SLC39A10: variants seen among roughly 807,000 people sequenced by gnomAD.
The protein encoded by SLC39A10 is solute carrier family 39 member 10, also known as zinc transporter ZIP10.
In SLC39A10, 13 loss-of-function variants were observed where a neutral mutation model predicts 65.1. That is an observed-to-expected ratio of 0.20 (90% CI 0.13 to 0.32). SLC39A10 has a LOEUF of 0.32. Among genes scored for constraint, SLC39A10 ranks in the 10% least tolerant of loss-of-function variants. SLC39A10 has a pLI of 1.00. For synonymous variants in SLC39A10, 321 were observed against 342.2 expected, an observed-to-expected ratio of 0.94 and a Z score of 0.68; for missense variants, 831 against 1,018.4, an observed-to-expected ratio of 0.82 and a Z score of 2.50.
intron 1 of SLC39A10, among the ~76,000 whole-genome samples, chr2:195,672,754 C>G (rs1276452685): frequency 6.6e-5 from 10 of 152,148 alleles, no homozygotes; most frequent in Admixed American, 6.5e-4. Flanking sequence ...TATGAATGTC[C>G]TGTTTCCACC....
At chr2:195,666,502 A>G (rs1269702400) in intron 1 of SLC39A10, among the ~76,000 whole-genome samples, 1 of 152,206 alleles carries the variant, frequency 6.6e-6, no homozygotes, top group Non-Finnish European at 1.5e-5. Flanking sequence ...AGCTGTTGCC[A>G]GGCTGGAGTA....
chr2:195,621,816 A>G (rs1173827369), intron 2 of SLC39A10, among the ~76,000 whole-genome samples: 2 of 152,222 alleles, frequency 1.3e-5, no homozygotes, highest in African/African-American at 4.8e-5. Flanking sequence ...GATCATAATA[A>G]ATACAGTGAT....
chr2:195,706,324 G>T (rs1240205584), intron 3 of SLC39A10, among the ~76,000 whole-genome samples: 2 of 149,936 alleles, frequency 1.3e-5, no homozygotes, highest in Non-Finnish European at 3.0e-5. Context: ...TTATAGTTTA[G>T]CTATTAAGTG....
At chr2:195,655,685 C>G (rs1255847467), upstream of SLC39A10, among the ~76,000 whole-genome samples, 1 of 152,194 alleles carries the variant, frequency 6.6e-6, no homozygotes, top group Non-Finnish European at 1.5e-5. Context: ...GAAACTAGGA[C>G]TCAGGCTTAA....
intron 2 of SLC39A10, among the ~76,000 whole-genome samples, chr2:195,631,489 C>A (rs1259849058): frequency 6.6e-6 from 1 of 151,994 alleles, no homozygotes; most frequent in Non-Finnish European, 1.5e-5. Context: ...ATATATTAAT[C>A]CTTGCTGGGT....
intron 8 of SLC39A10, among the ~76,000 whole-genome samples, chr2:195,721,113 T>C (rs1430641478): frequency 6.6e-6 from 1 of 151,952 alleles, no homozygotes; most frequent in East Asian, 1.9e-4. Flanking sequence ...AGCTAATTTT[T>C]GTATTTTTGA....
At chr2:195,652,784 C>T (rs1188166703), upstream of SLC39A10, among the ~76,000 whole-genome samples, 1 of 152,050 alleles carries the variant, frequency 6.6e-6, no homozygotes, top group Admixed American at 6.6e-5. Flanking sequence ...TAGACTGGTT[C>T]GGGTGCATGG....
At chr2:195,677,292 T>C (rs1690126902) in intron 1 of SLC39A10, among the ~76,000 whole-genome samples, 1 of 151,420 alleles carries the variant, frequency 6.6e-6, no homozygotes, top group Non-Finnish European at 1.5e-5. Context: ...AGCTCACACC[T>C]GCAATCTTAG....
rs1293229738 is a variant in SLC39A10, at chr2:195,737,077, T to C, written c.*2036T>C. On this transcript the variant is annotated 3_prime_UTR_variant, in exon 10 of 10. Transcript: ENST00000359634. ...AAAGCAAGTAGGTTATGCTGAAGTA[T>C]ATAAAGAAGTTTTATATTCTCTCAA... 1 of 152,628 alleles carries C rather than the reference T, an allele frequency of 6.6e-6. No individual in the cohort carries two copies. Among genetic ancestry groups the C allele is most frequent in the East Asian group, 1.9e-4 (1 of 5,182 alleles). The allele number at this position is 152,628 out of a possible 1,614,324, so 9.5% of individuals were successfully genotyped here. A position where few individuals can be genotyped will look rare whatever the true frequency, so the allele number is the denominator to read the frequency against.
In SLC39A10 at chr2:195,728,279, C is replaced by A; in HGVS notation, c.2267C>A (p.Ala756Asp). 6.2e-7 allele frequency: 1 copy of A among 1,614,056 alleles called. No individual in the cohort carries two copies. The highest frequency in any genetic ancestry group is 8.5e-7 in the Non-Finnish European group (1 of 1,179,930). Reference protein sequence around the residue: ...MLIGTAVGQYANNITLWIFAV... With the variant: ...MLIGTAVGQYDNNITLWIFAV... ...ATAGGCACAGCTGTTGGTCAGTATG[C>A]CAATAACATCACACTTTGGATCTTT... Residue 756 changes from alanine (A) to aspartate (D), a missense_variant, in exon 9 of 10, where the codon GCC becomes GAC. Transcript: ENST00000359634. This position sits in a 1 kb window ranked among gnomAD's most constrained non-coding sequence, Gnocchi z 4.4.
rs1192403030 is a variant in SLC39A10 at position 195,716,766 on chromosome 2, A to G, written c.1826A>G (p.His609Arg). The change falls in exon 7 of 10, where the codon CAC becomes CGC. Residue 609 changes from histidine to arginine, a missense_variant. Coordinates refer to ENST00000359634, the MANE Select transcript of SLC39A10 (RefSeq NM_020342.3). The stretch of plus-strand genomic sequence containing the variant: ...GAGGAGAAAATCATAGACCATTCTC[A>G]CAGTGATGGATTACATACCATTCAT... ...IEEEKIIDHS[H>R]SDGLHTIHEH... 1 of 1,613,902 alleles carries G rather than the reference A, an allele frequency of 6.2e-7. No individual in the cohort carries two copies. Among genetic ancestry groups the G allele is most frequent in the Non-Finnish European group, 8.5e-7 (1 of 1,179,750 alleles).
Position 195,621,807 on chromosome 2 carries a change from A to G in SLC39A10, c.-12+15574A>G, listed in dbSNP as rs189200983. 2.8e-3 allele frequency among the ~76,000 whole-genome samples: 433 copies of G among 152,324 alleles called. 2 individuals carry two copies. The highest frequency in any genetic ancestry group is 0.01 in the African/African-American group (418 of 41,570). On this transcript the variant is annotated intron_variant, in intron 2 of 2. Transcript: ENST00000458054. The stretch of plus-strand genomic sequence containing the variant: ...TGTTTTTATAGAGAAGTTACCTATG[A>G]TCATAATAAATACAGTGATCAACAT...
chr2:195,691,332 C>G (rs2105787675), intron 3 of SLC39A10, among the ~76,000 whole-genome samples: 1 of 152,198 alleles, frequency 6.6e-6, no homozygotes, highest in East Asian at 1.9e-4. Context: ...AACGTGTGTC[C>G]AAGTATTCTA....
intron 5 of SLC39A10, 42 bp downstream of exon 5, chr2:195,708,886 A>G (rs763761988): frequency 4.9e-6 from 7 of 1,434,880 alleles, no homozygotes; most frequent in Non-Finnish European, 6.6e-6. Context: ...CATAAAACTC[A>G]AAACAAAAAT....
At chr2:195,706,397 T>C (rs1691396649) in intron 3 of SLC39A10, among the ~76,000 whole-genome samples, 1 of 151,050 alleles carries the variant, frequency 6.6e-6, no homozygotes. Flanking sequence ...GAAGGTACTA[T>C]TTATAACTTG....
chr2:195,615,837 G>A (rs984231272), intron 2 of SLC39A10, among the ~76,000 whole-genome samples: 5 of 152,016 alleles, frequency 3.3e-5, no homozygotes, highest in African/African-American at 1.2e-4. Context: ...ATTCTACTTC[G>A]CTCTAAATCC....
At chr2:195,658,924 A>C (rs1288016226) in intron 1 of SLC39A10, among the ~76,000 whole-genome samples, 1 of 152,268 alleles carries the variant, frequency 6.6e-6, no homozygotes, top group Non-Finnish European at 1.5e-5. Flanking sequence ...TGTATGAAAT[A>C]CATAGAATTG....
At chr2:195,664,513 CAAAAT>C (rs1298074425) in intron 1 of SLC39A10, among the ~76,000 whole-genome samples, 1 of 151,770 alleles carries the variant, frequency 6.6e-6, no homozygotes, top group Non-Finnish European at 1.5e-5. Context: ...AAAACATGAT[CAAAAT>C]AAAAAGGAAC....
chr2:195,619,364 A>G (rs539873403), intron 2 of SLC39A10, among the ~76,000 whole-genome samples: 5 of 152,338 alleles, frequency 3.3e-5, no homozygotes, highest in Admixed American at 2.6e-4. Context: ...TAGCTTGTGC[A>G]TGTGGTGCTG....
Sources: gnomAD v4.1 joint callset for allele counts (sites outside exome capture counted in the v4.1 genomes callset) on GRCh38, gnomAD v4.1.1 for gene constraint, Gnocchi (gnomAD v3.1) non-coding constraint, MANE v1.5 for transcripts, NCBI Gene and HGNC (gene_info 2026-07-23, HGNC 2026-07-21) for gene names.